The following RARB variants were observed in gnomAD, a reference collection of about 807,000 sequenced individuals.
The protein encoded by RARB is retinoic acid receptor beta, also known as HBV-activated protein.
A neutral mutation model predicts 51.9 loss-of-function variants in RARB; 17 were observed. The ratio of observed to expected loss-of-function variants is 0.33; its 90% confidence interval spans 0.22 to 0.49. The LOEUF is 0.49. Ranked by LOEUF, RARB falls within the 20% of genes least tolerant of loss-of-function variation. RARB has a pLI of 0.99. For missense variants in RARB, 369 were observed against 550.8 expected, an observed-to-expected ratio of 0.67 and a Z score of 3.30; for synonymous variants, 215 against 195.4, an observed-to-expected ratio of 1.10 and a Z score of -0.84.
At chr3:25,064,104 C>T (rs1346563210) in intron 3 of RARB, among the ~76,000 whole-genome samples, 1 of 152,024 alleles carries the variant, frequency 6.6e-6, no homozygotes, top group Non-Finnish European at 1.5e-5. Flanking sequence ...AATGCCAAAG[C>T]TAATTTTGAT....
chr3:25,208,164 C>T (rs1017914590), intron 5 of RARB, among the ~76,000 whole-genome samples: 5 of 152,130 alleles, frequency 3.3e-5, no homozygotes, highest in South Asian at 2.1e-4. Context: ...AATCACCTTT[C>T]GCTAGGCCTT....
At chr3:25,491,525 C>T (rs1384367396) in intron 2 of RARB, among the ~76,000 whole-genome samples, 2 of 152,248 alleles carry the variant, frequency 1.3e-5, no homozygotes, top group South Asian at 2.1e-4. Context: ...AAGACTGCCA[C>T]GTCCTCATAA....
intron 5 of RARB, among the ~76,000 whole-genome samples, chr3:25,234,815 A>G (rs1288397400): frequency 6.6e-6 from 1 of 151,398 alleles, no homozygotes; most frequent in African/African-American, 2.4e-5. Context: ...TTTCATGCAC[A>G]CTCTTCAGCC....
intron 2 of RARB, among the ~76,000 whole-genome samples, chr3:25,007,109 C>T (rs1258493348): frequency 1.3e-5 from 2 of 152,180 alleles, no homozygotes; most frequent in African/African-American, 4.8e-5. Flanking sequence ...CTTTTGGCAT[C>T]TGCCAAACCC....
intron 2 of RARB, among the ~76,000 whole-genome samples, chr3:25,033,444 T>C (rs916542668): frequency 6.6e-6 from 1 of 152,034 alleles, no homozygotes; most frequent in Non-Finnish European, 1.5e-5. Flanking sequence ...AACCAGAAAA[T>C]CTGAGAAACA....
At chr3:24,925,594 C>G (rs1368674842) in intron 2 of RARB, among the ~76,000 whole-genome samples, 3 of 145,510 alleles carry the variant, frequency 2.1e-5, no homozygotes, top group African/African-American at 7.7e-5. Flanking sequence ...TGTAGTGAAC[C>G]AAGAGCTCAC....
chr3:25,227,400 G>C (rs1017176338), intron 5 of RARB, among the ~76,000 whole-genome samples: 2 of 152,110 alleles, frequency 1.3e-5, no homozygotes, highest in Non-Finnish European at 2.9e-5. Flanking sequence ...AGTGTTAACA[G>C]GTCTCTTTTT....
intron 3 of RARB, among the ~76,000 whole-genome samples, chr3:25,065,770 A>G (rs967501060): frequency 3.3e-5 from 5 of 152,190 alleles, no homozygotes; most frequent in African/African-American, 1.2e-4. Context: ...CACATGAAGA[A>G]TGATGTCAAA....
At chr3:25,286,855 C>T (rs1207336687) in intron 5 of RARB, among the ~76,000 whole-genome samples, 1 of 152,188 alleles carries the variant, frequency 6.6e-6, no homozygotes, top group Non-Finnish European at 1.5e-5. Context: ...CAGCAGAGTA[C>T]TATCACTCTC....
intron 3 of RARB, among the ~76,000 whole-genome samples, chr3:25,528,843 A>G (rs1283360709): frequency 1.8e-5 from 2 of 108,818 alleles, no homozygotes; most frequent in African/African-American, 7.1e-5. Flanking sequence ...GCAGCCAAAC[A>G]TGAAGACTCG....
intron 2 of RARB, among the ~76,000 whole-genome samples, chr3:25,483,998 A>G (rs1267997480): frequency 6.6e-6 from 1 of 152,214 alleles, no homozygotes; most frequent in Admixed American, 6.5e-5. Context: ...TATGTTGGCA[A>G]TTTACAGAGC....
At chr3:25,259,916 A>G in intron 5 of RARB, 1 of 985,288 alleles carries the variant, frequency 1.0e-6, no homozygotes, top group Non-Finnish European at 1.2e-6. Flanking sequence ...TTTCTTTCTC[A>G]GGCTTTGTCT....
intron 5 of RARB, among the ~76,000 whole-genome samples, chr3:25,412,717 G>A (rs557837604): frequency 6.6e-6 from 1 of 152,248 alleles, no homozygotes; most frequent in South Asian, 2.1e-4. Flanking sequence ...CACTCAGATC[G>A]AGAAAAAGAA....
chr3:25,084,137 A>G (rs572734763), intron 3 of RARB, among the ~76,000 whole-genome samples: 1 of 152,222 alleles, frequency 6.6e-6, no homozygotes, highest in Admixed American at 6.5e-5. Flanking sequence ...TTGGTACCCT[A>G]TTCTTCACAT....
intron 2 of RARB, among the ~76,000 whole-genome samples, chr3:24,918,974 T>G (rs1695162788): frequency 6.6e-6 from 1 of 152,182 alleles, no homozygotes; most frequent in Admixed American, 6.5e-5. Context: ...GAGAACTGAA[T>G]TTGGTACAGT....
intron 5 of RARB, among the ~76,000 whole-genome samples, chr3:25,352,893 C>T (rs1459550735): frequency 6.6e-6 from 1 of 152,144 alleles, no homozygotes; most frequent in Non-Finnish European, 1.5e-5. Flanking sequence ...CTGGACTGTC[C>T]TTGGACATTC....
intron 2 of RARB, among the ~76,000 whole-genome samples, chr3:25,050,327 A>T (rs997571725): frequency 1.4e-4 from 21 of 152,184 alleles, no homozygotes; most frequent in Admixed American, 1.2e-3. Flanking sequence ...TCACCTTATG[A>T]CCAAAGTCAT....
At chr3:25,149,352 A>G (rs1415749130) in intron 4 of RARB, among the ~76,000 whole-genome samples, 1 of 152,230 alleles carries the variant, frequency 6.6e-6, no homozygotes, top group Non-Finnish European at 1.5e-5. Flanking sequence ...CCTTTGCAGT[A>G]ATATATTTAT....
chr3:25,169,167 C>G (rs1045014026), intron 4 of RARB, among the ~76,000 whole-genome samples: 7 of 152,132 alleles, frequency 4.6e-5, no homozygotes, highest in African/African-American at 1.7e-4. Context: ...AAATTTACCT[C>G]CCACATAACA....
Sources: gnomAD v4.1 joint callset for allele counts (sites outside exome capture counted in the v4.1 genomes callset) on GRCh38, gnomAD v4.1.1 for gene constraint, MANE v1.5 for transcripts, NCBI Gene and HGNC (gene_info 2026-07-23, HGNC 2026-07-21) for gene names.